The following ST6GALNAC3 variants were observed in gnomAD, a reference collection of about 807,000 sequenced individuals.
The protein encoded by ST6GALNAC3 is alpha-N-acetylgalactosaminide alpha-2,6-sialyltransferase 3.
In ST6GALNAC3, 25 loss-of-function variants were observed where a neutral mutation model predicts 32.7. That is an observed-to-expected ratio of 0.76 (90% CI 0.56 to 1.07). The LOEUF (loss-of-function observed/expected upper bound fraction) is 1.07, where lower values mean the gene tolerates loss of function less well. ST6GALNAC3 is among the 50% of genes least tolerant of loss of function. ST6GALNAC3 has a pLI of 0.00. For missense variants in ST6GALNAC3, 355 were observed against 382.4 expected (o/e 0.93, Z 0.60); for synonymous variants, 129 against 133.1 (o/e 0.97, Z 0.21).
At chr1:76,345,104 C>G (rs948351815) in intron 2 of ST6GALNAC3, among the ~76,000 whole-genome samples, 1 of 152,112 alleles carries the variant, frequency 6.6e-6, no homozygotes, top group Non-Finnish European at 1.5e-5. Context: ...TCTTTGTCAC[C>G]ATGAGGCCAG....
At chr1:76,517,947 A>C (rs1171070282) in intron 3 of ST6GALNAC3, among the ~76,000 whole-genome samples, 1 of 152,140 alleles carries the variant, frequency 6.6e-6, no homozygotes, top group East Asian at 1.9e-4. Flanking sequence ...GTGTAAAATT[A>C]TTTTGTGGCC....
At chr1:76,452,900 A>G (rs545403993) in intron 3 of ST6GALNAC3, among the ~76,000 whole-genome samples, 1 of 152,126 alleles carries the variant, frequency 6.6e-6, no homozygotes, top group Non-Finnish European at 1.5e-5. Context: ...CTGTGAATCC[A>G]TCTGGTCCTG....
chr1:76,087,421 T>C (rs1296057563), intron 1 of ST6GALNAC3, among the ~76,000 whole-genome samples: 6 of 152,200 alleles, frequency 3.9e-5, no homozygotes, highest in Non-Finnish European at 7.3e-5. Flanking sequence ...CAAGCACTTA[T>C]AGAGAATCTA....
At position 76,412,491 on chromosome 1, in the gene ST6GALNAC3, G is replaced by A. The variant is rs1191938023; in HGVS notation, c.623+74G>A. ...TAAATCTTCGCCAATTCCTTTTGCA[G>A]GATATAAAATGAACAGTTATTTATT... On this transcript the variant is annotated intron_variant, in intron 3 of 4. Transcript: ENST00000328299. 5.0e-5 allele frequency: 71 copies of A among 1,415,652 alleles called. No homozygotes were observed. In the Admixed American group the frequency reaches 1.7e-3, roughly 34 times the overall value. The allele number at this position is 1,415,652 out of a possible 1,614,324, so 87.7% of individuals were successfully genotyped here.
chr1:76,609,265 A>C (rs1159438092), intron 3 of ST6GALNAC3, among the ~76,000 whole-genome samples: 2 of 152,104 alleles, frequency 1.3e-5, no homozygotes, highest in African/African-American at 4.8e-5. Flanking sequence ...TACTCACTAA[A>C]ATTTCCAGGA....
At chr1:76,416,421 C>T (rs937031577) in intron 3 of ST6GALNAC3, among the ~76,000 whole-genome samples, 4 of 152,056 alleles carry the variant, frequency 2.6e-5, no homozygotes, top group Non-Finnish European at 4.4e-5. Context: ...GAGACAATGT[C>T]ATCATTATTA....
At chr1:76,459,845 A>C (rs916651006) in intron 3 of ST6GALNAC3, among the ~76,000 whole-genome samples, 2 of 152,218 alleles carry the variant, frequency 1.3e-5, no homozygotes, top group Non-Finnish European at 2.9e-5. Flanking sequence ...TGACTGAATA[A>C]TATTCCATTG....
At chr1:76,600,321 A>G (rs1383073308) in intron 3 of ST6GALNAC3, among the ~76,000 whole-genome samples, 1 of 152,136 alleles carries the variant, frequency 6.6e-6, no homozygotes, top group African/African-American at 2.4e-5. Context: ...TTTCTAAGTC[A>G]CCCAGTTTAT....
intron 2 of ST6GALNAC3, among the ~76,000 whole-genome samples, chr1:76,373,654 A>G (rs1306988813): frequency 2.6e-5 from 4 of 152,202 alleles, no homozygotes; most frequent in Admixed American, 2.6e-4. Context: ...GTAATGAGAA[A>G]GGGGATAAGG....
At chr1:76,094,761 A>G (rs1647100027) in intron 1 of ST6GALNAC3, among the ~76,000 whole-genome samples, 1 of 152,174 alleles carries the variant, frequency 6.6e-6, no homozygotes, top group Non-Finnish European at 1.5e-5. Context: ...AACTATGAAG[A>G]CATGTTCTTT....
chr1:76,492,140 A>T (rs150896335), intron 3 of ST6GALNAC3, among the ~76,000 whole-genome samples: 1 of 152,174 alleles, frequency 6.6e-6, no homozygotes, highest in East Asian at 1.9e-4. Flanking sequence ...TTCTCACTCC[A>T]TGTCTTCACT....
At chr1:76,309,127 C>T (rs1367640357) in intron 1 of ST6GALNAC3, among the ~76,000 whole-genome samples, 1 of 152,174 alleles carries the variant, frequency 6.6e-6, no homozygotes, top group Admixed American at 6.5e-5. Context: ...CTATACTTAC[C>T]CTTCCTCTGG....
intron 2 of ST6GALNAC3, among the ~76,000 whole-genome samples, chr1:76,410,327 T>C (rs1404333620): frequency 1.3e-5 from 2 of 152,086 alleles, no homozygotes; most frequent in African/African-American, 4.8e-5. Context: ...AAAGCTTTTT[T>C]CCTAAATATG....
chr1:76,358,112 C>G (rs372771892), intron 2 of ST6GALNAC3, among the ~76,000 whole-genome samples: 43 of 152,302 alleles, frequency 2.8e-4, no homozygotes, highest in African/African-American at 9.9e-4. Context: ...TCTCGAATCT[C>G]TCCATCTCTT....
At chr1:76,121,855 T>C (rs1231915975) in intron 1 of ST6GALNAC3, among the ~76,000 whole-genome samples, 1 of 152,222 alleles carries the variant, frequency 6.6e-6, no homozygotes, top group Non-Finnish European at 1.5e-5. Flanking sequence ...TTATTGGCCT[T>C]ACATTTCTGA....
At chr1:76,499,080 A>C (rs1304497091) in intron 3 of ST6GALNAC3, among the ~76,000 whole-genome samples, 7 of 152,320 alleles carry the variant, frequency 4.6e-5, no homozygotes, top group Non-Finnish European at 1.0e-4. Flanking sequence ...ACCAAATACA[A>C]AATAGGCAAA....
At position 76,434,873 on chromosome 1, in the gene ST6GALNAC3, C is replaced by G. The variant is rs112061926; in HGVS notation, c.623+22456C>G. 6.9e-4 allele frequency among the ~76,000 whole-genome samples: 102 copies of G among 148,048 alleles called. 1 individual carries two copies. The highest frequency in any genetic ancestry group is 2.5e-3 in the African/African-American group (101 of 40,386). The stretch of plus-strand genomic sequence containing the variant: ...TGGCAAGATCTTGGCTCACTGCAAC[C>G]TCTGCCTCCCAGATTCAAGCAATTC... On this transcript the variant is annotated intron_variant, in intron 3 of 4. Coordinates refer to ENST00000328299, the MANE Select transcript of ST6GALNAC3 (RefSeq NM_152996.4).
rs138823278 is a variant in ST6GALNAC3, at chr1:76,252,546, C to A, written c.19-61259C>A. Among the ~76,000 whole-genome samples the A allele has an allele frequency of 4.6e-5, 7 of 152,000 alleles. No homozygotes were observed. In the East Asian group the frequency reaches 1.4e-3, roughly 29 times the overall value. On this transcript the variant is annotated intron_variant, in intron 1 of 4. Coordinates refer to ENST00000328299, the MANE Select transcript of ST6GALNAC3 (RefSeq NM_152996.4). ...TTTTACCAGTTCCCTTGAGGATGGC[C>A]CCCCCTTTTTTTTTTAAATTTCTTG...
chr1:76,435,149 T>A (rs1656053767), intron 3 of ST6GALNAC3, among the ~76,000 whole-genome samples: 1 of 152,146 alleles, frequency 6.6e-6, no homozygotes, highest in African/African-American at 2.4e-5. Context: ...TTACTCAACA[T>A]CTGAGTTTCT....
Sources: allele counts gnomAD v4.1 joint callset (sites outside exome capture counted in the v4.1 genomes callset), GRCh38; gene constraint gnomAD v4.1.1; transcripts MANE v1.5; gene names NCBI Gene and HGNC (gene_info 2026-07-23, HGNC 2026-07-21).